The following CA1 variants were observed in gnomAD, a reference collection of about 807,000 sequenced individuals.
CA1 encodes carbonate dehydratase I.
A neutral mutation model predicts 28.8 loss-of-function variants in CA1; 27 were observed. That is an observed-to-expected ratio of 0.94 (90% CI 0.69 to 1.29). CA1 has a LOEUF of 1.29. Among genes scored for constraint, CA1 ranks in the 50% most tolerant of loss-of-function variants. The pLI is 0.00. For synonymous variants in CA1, 121 were observed against 108.8 expected (o/e 1.11, Z -0.70); for missense variants, 335 against 310.5 (o/e 1.08, Z -0.59).
At chr8:85,367,983 T>C (rs1810073860) in intron 1 of CA1, among the ~76,000 whole-genome samples, 1 of 152,088 alleles carries the variant, frequency 6.6e-6, no homozygotes, top group African/African-American at 2.4e-5. Flanking sequence ...TATTTATATG[T>C]ATTAAATCTC....
At chr8:85,370,717 A>T (rs895386154) in intron 1 of CA1, among the ~76,000 whole-genome samples, 2 of 152,146 alleles carry the variant, frequency 1.3e-5, no homozygotes, top group Non-Finnish European at 2.9e-5. Context: ...ACTACTTTAA[A>T]TTTATGTCTT....
intron 6 of CA1, 94 bp from the exon 7 acceptor site, chr8:85,329,938 T>C (rs1808334539): frequency 9.5e-7 from 1 of 1,047,760 alleles, no homozygotes; most frequent in Non-Finnish European, 1.4e-6. Flanking sequence ...TTATACATTA[T>C]TTAGAGATTT....
chr8:85,344,311 T>TTA lies in CA1; in HGVS notation c.-24-2654_-24-2653dup, dbSNP rs558716431. 2.0e-3 allele frequency among the ~76,000 whole-genome samples: 42 copies of TTA among 21,042 alleles called. 1 individual carries two copies. The highest frequency in any genetic ancestry group is 1.7e-3 in the Non-Finnish European group (11 of 6,506). The allele number at this position is 21,042 out of a possible 152,430, so 13.8% of individuals were successfully genotyped here. ...ATACAGTATATAATATAATTATATA[T>TTA]TATACAGTATATAATATATAATTTG... On this transcript the variant is annotated intron_variant, in intron 1 of 7. Transcript: ENST00000523022.
intron 1 of CA1, among the ~76,000 whole-genome samples, chr8:85,376,060 G>C (rs1334052335): frequency 6.6e-6 from 1 of 152,208 alleles, no homozygotes; most frequent in Non-Finnish European, 1.5e-5. Context: ...GCTGGGCATG[G>C]TGGCTCATGC....
chr8:85,370,088 C>T (rs1350105467), intron 1 of CA1, among the ~76,000 whole-genome samples: 1 of 152,106 alleles, frequency 6.6e-6, no homozygotes, highest in Non-Finnish European at 1.5e-5. Flanking sequence ...AGCTGAACCC[C>T]GTCATTAAGG....
chr8:85,377,119 A>G (rs780938935), intron 1 of CA1, among the ~76,000 whole-genome samples: 1 of 152,218 alleles, frequency 6.6e-6, no homozygotes, highest in Non-Finnish European at 1.5e-5. Context: ...AGTTACTTGA[A>G]GCATTTAATA....
chr8:85,338,714 CTCTT>C (rs1585924309), intron 2 of CA1, among the ~76,000 whole-genome samples: 2 of 127,550 alleles, frequency 1.6e-5, no homozygotes, highest in East Asian at 4.5e-4. Context: ...TTCTTTCTCT[CTCTT>C]TTTTTTTTTT....
intron 6 of CA1, among the ~76,000 whole-genome samples, chr8:85,332,209 T>C (rs1808435237): frequency 1.3e-5 from 2 of 152,198 alleles, no homozygotes; most frequent in South Asian, 4.1e-4. Context: ...TTGTTAGATA[T>C]AGTTTTTCAA....
chr8:85,359,945 G>C (rs892185498), intron 1 of CA1, among the ~76,000 whole-genome samples: 1 of 152,154 alleles, frequency 6.6e-6, no homozygotes, highest in Non-Finnish European at 1.5e-5. Flanking sequence ...TACCAATAAG[G>C]AGACTAAAAC....
intron 1 of CA1, among the ~76,000 whole-genome samples, chr8:85,344,251 TTATATACAG>T (rs1809068031): frequency 1.0e-5 from 1 of 100,452 alleles, no homozygotes; most frequent in Non-Finnish European, 1.8e-5. Flanking sequence ...TAATTATATA[TTATATACAG>T]TATATAATAT....
chr8:85,367,238 T>C (rs1318414311), intron 1 of CA1, among the ~76,000 whole-genome samples: 1 of 152,192 alleles, frequency 6.6e-6, no homozygotes, highest in Non-Finnish European at 1.5e-5. Context: ...ACATGTCTAC[T>C]GGCATGTCAA....
At chr8:85,345,222 G>A (rs1234234424) in intron 1 of CA1, among the ~76,000 whole-genome samples, 3 of 152,078 alleles carry the variant, frequency 2.0e-5, no homozygotes, top group African/African-American at 4.8e-5. Context: ...CATCCATACC[G>A]AGCTTGTTCC....
intron 1 of CA1, among the ~76,000 whole-genome samples, chr8:85,372,999 T>TC (rs1810285806): frequency 6.6e-6 from 1 of 152,238 alleles, no homozygotes; most frequent in Non-Finnish European, 1.5e-5. Flanking sequence ...AAGCCATCAG[T>TC]CCTTCCTTTA....
chr8:85,339,710 G>C (rs1455134543), intron 2 of CA1, among the ~76,000 whole-genome samples: 1 of 152,110 alleles, frequency 6.6e-6, no homozygotes, highest in African/African-American at 2.4e-5. Flanking sequence ...AAAAGTTCTT[G>C]GAGAAAATTA....
chr8:85,340,569 C>G lies in CA1; in HGVS notation c.37+1030G>C, dbSNP rs75274620. ...CAAGGAGTAATTTCAACTTTCAAATCTTATTTAAGAATACACTTTGTAAGG... is the reference window on the plus strand; with the variant it reads ...CAAGGAGTAATTTCAACTTTCAAATGTTATTTAAGAATACACTTTGTAAGG... On this transcript the variant is annotated intron_variant, in intron 2 of 7. Transcript: ENST00000523022. Among the ~76,000 whole-genome samples, 961 of 152,214 alleles carry G rather than the reference C, an allele frequency of 6.3e-3. 29 individuals are homozygous for G. Among genetic ancestry groups the G allele is most frequent in the East Asian group, 0.05 (257 of 5,178 alleles).
chr8:85,367,168 ATC>A (rs1810039298), intron 1 of CA1, among the ~76,000 whole-genome samples: 1 of 152,052 alleles, frequency 6.6e-6, no homozygotes, highest in Admixed American at 6.5e-5. Context: ...TTTTAATAAA[ATC>A]TTGTTTTAAC....
At chr8:85,341,558 C>G in intron 2 of CA1, 41 bp downstream of exon 2, 1 of 1,231,172 alleles carries the variant, frequency 8.1e-7, no homozygotes, top group Non-Finnish European at 1.2e-6. Context: ...GAAATGGGAA[C>G]AAGTTATCAT....
At chr8:85,368,732 C>T (rs1458226155) in intron 1 of CA1, among the ~76,000 whole-genome samples, 1 of 151,934 alleles carries the variant, frequency 6.6e-6, no homozygotes, top group Admixed American at 6.6e-5. Flanking sequence ...AGAGAGAAAA[C>T]TTTAGATAAC....
intron 5 of CA1, 56 bp downstream of exon 5, chr8:85,333,469 T>G: frequency 7.6e-6 from 8 of 1,052,298 alleles, no homozygotes; most frequent in Non-Finnish European, 1.2e-5. Context: ...CCTTCTATTT[T>G]GAGGTCTAAT....
Sources: allele counts gnomAD v4.1 joint callset (sites outside exome capture counted in the v4.1 genomes callset), GRCh38; gene constraint gnomAD v4.1.1; transcripts MANE v1.5; gene names NCBI Gene and HGNC (gene_info 2026-07-23, HGNC 2026-07-21).